Variants in DNAH1 observed in about 807,000 individuals in gnomAD.
DNAH1 encodes the protein dynein axonemal heavy chain 1.
Under a neutral mutation model 484.3 loss-of-function variants are expected in DNAH1, and 327 were observed. The ratio of observed to expected loss-of-function variants is 0.68; its 90% CI spans 0.62 to 0.74. The LOEUF is 0.74. Ranked by LOEUF, DNAH1 falls within the 30% of genes least tolerant of loss-of-function variation. The probability of loss-of-function intolerance (pLI) is 0.00; values close to 1 mark genes in which losing one functional copy is unlikely to be tolerated. For synonymous variants in DNAH1, 2,192 were observed against 2,191.9 expected, an observed-to-expected ratio of 1.00 and a Z score of 0.00; for missense variants, 5,052 against 5,546.8, an observed-to-expected ratio of 0.91 and a Z score of 2.83.
rs1369301572 is a variant in DNAH1 at position 52,332,174 on chromosome 3, G to A, written c.1066G>A (p.Val356Met). Residue 356 changes from valine to methionine, a missense_variant, in exon 8 of 78, where the codon GTG (valine) becomes ATG (methionine). Physicochemically the swap from Val to Met is conservative, Grantham distance 21. This residue lies in a region of DNAH1 where 1,263 missense variants were observed against 1,218.8 expected (regional missense o/e 1.04). Coordinates refer to ENST00000420323, the MANE Select transcript of DNAH1 (RefSeq NM_015512.5). Reference protein sequence around the residue: ...RPPLQVCQYWVPRIQLLFCAE... With the variant: ...RPPLQVCQYWMPRIQLLFCAE... ...ACCCCTTCAGGTCTGTCAGTACTGG[G>A]TGCCACGGATCCAGCTTCTCTTCTG... The A allele has an allele frequency of 3.2e-6, 5 of 1,579,018 alleles. No individual in the cohort carries two copies. In the East Asian group the frequency reaches 1.2e-4, roughly 37 times the overall value.
Position 52,389,313 on chromosome 3 carries a change from A to AGT in DNAH1, c.9496-147_9496-146dup, listed in dbSNP as rs147518913. 0.013 allele frequency: 15,562 copies of AGT among 1,206,714 alleles called. 1,392 individuals carry two copies. In the Admixed American group the frequency reaches 0.18, roughly 14 times the overall value. 74.8% of individuals were successfully genotyped at this position (1,206,714 alleles called of 1,614,324 possible). ...GGCTGAGGTTTGTGGAGGCCAAGAA[A>AGT]GTCACCCGAAGTGGGATTAGAATGC... On this transcript the variant is annotated intron_variant, in intron 59 of 77. Transcript: ENST00000420323.
At position 52,353,896 on chromosome 3, in the gene DNAH1, T is replaced by A; in HGVS notation, c.3480+263T>A. On this transcript the variant is annotated intron_variant, in intron 20 of 77. Coordinates refer to ENST00000420323, the MANE Select transcript of DNAH1 (RefSeq NM_015512.5). The surrounding 1 kb of genome is among the most constrained non-coding windows in gnomAD (Gnocchi z 5.0). ...GGAGCTAATAGCATTAGCCTCAATT[T>A]AACAGATGTGTCAGGCCGGGTGCAG... is the stretch of plus-strand genomic sequence containing the variant. 2.1e-6 allele frequency: 1 copy of A among 483,110 alleles called. No homozygotes were observed. The highest frequency in any genetic ancestry group is 3.7e-6 in the Non-Finnish European group (1 of 267,612). The allele number at this position is 483,110 out of a possible 1,614,324, so 29.9% of individuals were successfully genotyped here.
rs753264583 is a variant in DNAH1, at chr3:52,353,174, G to T, written c.3099G>T (p.Trp1033Cys). The change falls in exon 19 of 78, where the codon TGG becomes TGT. Residue 1033 changes from tryptophan (W) to cysteine (C), a missense_variant. Physicochemically the swap from Trp to Cys is radical, Grantham distance 215. This residue lies in a region of DNAH1 where 2,929 missense variants were observed against 3,409.4 expected (regional missense o/e 0.86). Transcript: ENST00000420323. The surrounding 1 kb of genome is among the most constrained non-coding windows in gnomAD (Gnocchi z 5.0). ...ACCTTTGGACCACAGCGTCTGACTG[G>T]CTGCGCTGGTCGGAGAGCTGGATGA... ...YLDLWTTASD[W>C]LRWSESWMND... is the part of the protein sequence containing the mutation. The T allele has an allele frequency of 1.2e-6, 2 of 1,613,882 alleles. No homozygotes were observed. Among genetic ancestry groups the T allele is most frequent in the African/African-American group, 2.7e-5 (2 of 74,940 alleles).
rs1162984959 is a variant in DNAH1, at chr3:52,357,666, A to C, written c.3911A>C (p.Asn1304Thr). The change falls in exon 23 of 78, where the codon AAC becomes ACC. Residue 1304 changes from asparagine to threonine, a missense_variant. This residue lies in a region of DNAH1 where 2,929 missense variants were observed against 3,409.4 expected (regional missense o/e 0.86). Transcript: ENST00000420323. The part of the protein sequence containing the change: ...LRMLDSLRDC[N>T]KILDLVQKGL... The stretch of plus-strand genomic sequence containing the variant: ...ATGCTGGACAGCCTGCGGGACTGCA[A>C]CAAGATTCTGGACCTGGTGCAGAAG... The C allele has an allele frequency of 6.3e-7, 1 of 1,597,812 alleles. No homozygotes were observed. Among genetic ancestry groups the C allele is most frequent in the Non-Finnish European group, 8.5e-7 (1 of 1,171,886 alleles).
intron 18 of DNAH1, 26 bp downstream of exon 18, chr3:52,352,733 C>T: frequency 6.3e-7 from 1 of 1,598,868 alleles, no homozygotes; most frequent in Non-Finnish European, 8.5e-7. Context: ...GCACCCTGCC[C>T]CCATGCCCCC....
chr3:52,381,919 T>C lies in DNAH1; in HGVS notation c.7805+83T>C. ...ACTGACCCATGCTTTTGCACAGTGG[T>C]AGAGGCCTCGGGCAACCCTGAAGTA... On this transcript the variant is annotated intron_variant, in intron 49 of 77. Transcript: ENST00000420323. The surrounding 1 kb of genome is among the most constrained non-coding windows in gnomAD (Gnocchi z 4.1). 6 of 1,437,208 alleles carry C rather than the reference T, an allele frequency of 4.2e-6. No homozygotes were observed. The highest frequency in any genetic ancestry group is 1.4e-5 in the South Asian group (1 of 73,842). 89.0% of individuals were successfully genotyped at this position (1,437,208 alleles called of 1,614,324 possible). A position where few individuals can be genotyped will look rare whatever the true frequency, so the allele number is the denominator to read the frequency against.
chr3:52,391,644 C>T (rs1384659694), intron 63 of DNAH1, 41 bp downstream of exon 63: 2 of 1,609,122 alleles, frequency 1.2e-6, no homozygotes, highest in Middle Eastern at 1.7e-4. Flanking sequence ...ATCAGCTCTG[C>T]CTCTGCCTGC....
chr3:52,372,224 C>T lies in DNAH1; in HGVS notation c.6667-3C>T. The T allele has an allele frequency of 6.2e-7, 1 of 1,613,764 alleles. No homozygotes were observed. Among genetic ancestry groups the T allele is most frequent in the South Asian group, 1.1e-5 (1 of 91,058 alleles). Reference sequence around the variant, plus strand: ...TGCTCCTGTGCCATCCCCGCTCTGCCAGGTGCTGTGCATTGGGCCAACAGG... The same window carrying T: ...TGCTCCTGTGCCATCCCCGCTCTGCTAGGTGCTGTGCATTGGGCCAACAGG... On this transcript the variant is annotated splice_polypyrimidine_tract_variant and splice_region_variant and intron_variant, in intron 42 of 77. Transcript: ENST00000420323.
chr3:52,342,031 C>G (rs1201330804), intron 8 of DNAH1, among the ~76,000 whole-genome samples: 3 of 152,210 alleles, frequency 2.0e-5, no homozygotes, highest in Non-Finnish European at 2.9e-5. Flanking sequence ...ATAGAGATGT[C>G]TCAGAAGGGC....
At position 52,358,744 on chromosome 3, in the gene DNAH1, C is replaced by G; in HGVS notation, c.4266+7C>G. 6.2e-7 allele frequency: 1 copy of G among 1,611,470 alleles called. No individual in the cohort carries two copies. The highest frequency in any genetic ancestry group is 1.1e-5 in the South Asian group (1 of 90,896). The stretch of plus-strand genomic sequence containing the variant: ...CATCAGGGCCTACCCCACGGTGAGC[C>G]GCCCGCAGCCCGTGCAGCCTTCCAC... On this transcript the variant is annotated splice_region_variant and intron_variant, in intron 25 of 77. Coordinates refer to ENST00000420323, the MANE Select transcript of DNAH1 (RefSeq NM_015512.5). This position sits in a 1 kb window ranked among gnomAD's most constrained non-coding sequence, Gnocchi z 4.2.
At chr3:52,350,477 G>C (rs927352115) in intron 15 of DNAH1, 31 bp from the exon 16 acceptor site, 1 of 1,607,334 alleles carries the variant, frequency 6.2e-7, no homozygotes, top group East Asian at 2.2e-5. Flanking sequence ...CCTGGCACAC[G>C]TGAAGTTCTC....
chr3:52,390,089 C>T (rs532198663), intron 60 of DNAH1, among the ~76,000 whole-genome samples: 4 of 151,916 alleles, frequency 2.6e-5, no homozygotes, highest in Admixed American at 6.5e-5. Context: ...CCACTGCACT[C>T]CAGCCTGGGT....
In DNAH1 at chr3:52,394,496, C is replaced by G. The variant is rs1223286202; in HGVS notation, c.10658C>G (p.Ser3553Cys). The change falls in exon 67 of 78, where the codon TCC becomes TGC. Residue 3553 changes from serine (S) to cysteine (C), a missense_variant. Transcript: ENST00000420323. ...SEWRYLLSGGSISIMTENPAP... is the reference protein window; with the variant it reads ...SEWRYLLSGGCISIMTENPAP... ...TGGCGATACCTCCTGTCTGGGGGCT[C>G]CATCTCGATCATGACTGAGAATCCG... 1.2e-6 allele frequency: 2 copies of G among 1,613,892 alleles called. No homozygotes were observed. The highest frequency in any genetic ancestry group is 2.7e-5 in the African/African-American group (2 of 74,936).
chr3:52,315,441 G>C (rs74721806), upstream of DNAH1, among the ~76,000 whole-genome samples: 3 of 152,236 alleles, frequency 2.0e-5, no homozygotes, highest in South Asian at 4.1e-4. Context: ...CACAGGGGAG[G>C]GGGTGTGCAG....
chr3:52,369,823 A>T lies in DNAH1; in HGVS notation c.5944-2A>T. The T allele has an allele frequency of 1.2e-6, 2 of 1,601,542 alleles. No individual in the cohort carries two copies. Among genetic ancestry groups the T allele is most frequent in the South Asian group, 2.2e-5 (2 of 90,344 alleles). ...CACTCATTTGGTTCGTCTTGGCACC[A>T]GGCAATGACCATGATGTTCGAGGTG... On this transcript the variant is annotated splice_acceptor_variant, in intron 37 of 77. Coordinates refer to ENST00000420323, the MANE Select transcript of DNAH1 (RefSeq NM_015512.5). LOFTEE classifies it high-confidence loss of function.
Position 52,362,920 on chromosome 3 carries a change from G to A in DNAH1, c.5095-75G>A. Reference sequence around the variant, plus strand: ...GCAGGGAGTCCCAGCGTGTTAGGGAGGAGGGCCGGATGAAGCTGGGGGTGC... The same window carrying A: ...GCAGGGAGTCCCAGCGTGTTAGGGAAGAGGGCCGGATGAAGCTGGGGGTGC... On this transcript the variant is annotated intron_variant, in intron 31 of 77. Transcript: ENST00000420323. This position sits in a 1 kb window ranked among gnomAD's most constrained non-coding sequence, Gnocchi z 5.1. 6.3e-7 allele frequency: 1 copy of A among 1,595,122 alleles called. No individual in the cohort carries two copies. Among genetic ancestry groups the A allele is most frequent in the Non-Finnish European group, 8.6e-7 (1 of 1,168,574 alleles).
chr3:52,385,350 C>A lies in DNAH1; in HGVS notation c.8528C>A (p.Ser2843Tyr). 1 of 1,552,392 alleles carries A rather than the reference C, an allele frequency of 6.4e-7. No individual in the cohort carries two copies. The highest frequency in any genetic ancestry group is 8.7e-7 in the Non-Finnish European group (1 of 1,147,336). ...CCTGACCCCTAGCTGCTGCGCACTT[C>A]TGAGGATGTAGCCAAGATGCAGGAG... ...KSGLDKLLRT[S>Y]EDVAKMQEDL... Residue 2843 changes from serine to tyrosine, a missense_variant, in exon 54 of 78, where the codon TCT (serine) becomes TAT (tyrosine). Ser to Tyr is a moderately radical substitution (Grantham distance 144, BLOSUM62 -2). Transcript: ENST00000420323.
chr3:52,348,619 G>A (rs568879448), intron 12 of DNAH1, among the ~76,000 whole-genome samples: 2 of 152,272 alleles, frequency 1.3e-5, no homozygotes, highest in East Asian at 3.9e-4. Context: ...GCTGAGTCAG[G>A]CCCAGGCAGA....
At chr3:52,324,750 G>A (rs1024324504) in intron 3 of DNAH1, among the ~76,000 whole-genome samples, 1 of 152,190 alleles carries the variant, frequency 6.6e-6, no homozygotes, top group Non-Finnish European at 1.5e-5. Context: ...ACTAACCGCA[G>A]ATCTCAGCAC....
Sources: gnomAD v4.1 joint callset for allele counts (sites outside exome capture counted in the v4.1 genomes callset) on GRCh38, gnomAD v4.1.1 for gene constraint, gnomAD v4.1.1 regional missense constraint, Gnocchi (gnomAD v3.1) non-coding constraint, MANE v1.5 for transcripts, NCBI Gene and HGNC (gene_info 2026-07-23, HGNC 2026-07-21) for gene names.